Variants in PIEZO2 observed in about 807,000 individuals in gnomAD.
PIEZO2 encodes piezo-type mechanosensitive ion channel component 2.
PIEZO2 carries 172 observed loss-of-function variants against 337.3 expected under a neutral mutation model. The observed-to-expected ratio is 0.51, with a 90% CI of 0.45 to 0.58. The LOEUF (loss-of-function observed/expected upper bound fraction) is 0.58, where lower values mean the gene tolerates loss of function less well. Ranked by LOEUF, PIEZO2 falls within the 20% of genes least tolerant of loss-of-function variation. PIEZO2 has a pLI of 0.00. For missense variants in PIEZO2, 3,028 were observed against 3,391.3 expected, an observed-to-expected ratio of 0.89 and a Z score of 2.66; for synonymous variants, 1,251 against 1,228.5, an observed-to-expected ratio of 1.02 and a Z score of -0.38.
chr18:10,830,945 T>C lies in PIEZO2; in HGVS notation c.918-23671A>G, dbSNP rs1354743763. On this transcript the variant is annotated intron_variant, in intron 7 of 55. Transcript: ENST00000674853. The surrounding 1 kb of genome is among the most constrained non-coding windows in gnomAD (Gnocchi z 4.7). ...ATATGCAAAAGTGCTTAGCATAATT[T>C]ATCACCAGAGAAATGCGAATCAAAA... is the stretch of plus-strand genomic sequence containing the variant. 1.3e-5 allele frequency among the ~76,000 whole-genome samples: 2 copies of C among 152,188 alleles called. No homozygotes were observed. Among genetic ancestry groups the C allele is most frequent in the Non-Finnish European group, 2.9e-5 (2 of 68,026 alleles).
chr18:11,054,496 G>C (rs773777158), intron 2 of PIEZO2, among the ~76,000 whole-genome samples: 5 of 152,142 alleles, frequency 3.3e-5, no homozygotes, highest in Non-Finnish European at 5.9e-5. Context: ...TTTACTGAAC[G>C]AACGCCTGCT....
intron 2 of PIEZO2, among the ~76,000 whole-genome samples, chr18:11,061,084 T>C (rs953494934): frequency 1.3e-5 from 2 of 152,216 alleles, no homozygotes; most frequent in African/African-American, 2.4e-5. Flanking sequence ...ATCCCTGGGA[T>C]GCAAGGCTGG....
At chr18:11,088,863 G>A (rs2038987632) in intron 1 of PIEZO2, among the ~76,000 whole-genome samples, 1 of 152,214 alleles carries the variant, frequency 6.6e-6, no homozygotes, top group African/African-American at 2.4e-5. Flanking sequence ...ATGGTCTGGA[G>A]AAGCAAATGG....
At position 10,744,135 on chromosome 18, in the gene PIEZO2, T is replaced by C. The variant is rs1176695424; in HGVS notation, c.4514+7A>G. 5 of 1,522,920 alleles carry C rather than the reference T, an allele frequency of 3.3e-6. No individual in the cohort carries two copies. The highest frequency in any genetic ancestry group is 3.5e-6 in the Non-Finnish European group (4 of 1,134,040). The allele number at this position is 1,522,920 out of a possible 1,614,324, so 94.3% of individuals were successfully genotyped here. On this transcript the variant is annotated splice_region_variant and intron_variant, in intron 31 of 55. Transcript: ENST00000674853. ...GGAAGGAGGATGAGCATCAATAGCA[T>C]CCTTACTGTCGCTTCAGCTGGTCCA...
chr18:11,140,178 T>C (rs956302715), intron 1 of PIEZO2, among the ~76,000 whole-genome samples: 1 of 152,188 alleles, frequency 6.6e-6, no homozygotes, highest in South Asian at 2.1e-4. Flanking sequence ...CAAAAATTTT[T>C]TTCCCCATAC....
rs911051625 is a variant in PIEZO2, at chr18:10,675,324, T to C, written c.8082-36A>G. The C allele has an allele frequency of 6.0e-6, 8 of 1,332,048 alleles. No individual in the cohort carries two copies. In the Admixed American group the frequency reaches 8.0e-5, roughly 13 times the overall value. The allele number at this position is 1,332,048 out of a possible 1,614,324, so 82.5% of individuals were successfully genotyped here. ...AGAAAAAAAAGATACAATTACGTTTTAGTTGTTTTACCCACCTAAAATTGA... is the reference window on the plus strand; with the variant it reads ...AGAAAAAAAAGATACAATTACGTTTCAGTTGTTTTACCCACCTAAAATTGA... On this transcript the variant is annotated intron_variant, in intron 53 of 55. Coordinates refer to ENST00000674853, the MANE Select transcript of PIEZO2 (RefSeq NM_001378183.1).
rs2042855770 is a variant in PIEZO2, at chr18:10,895,004, T to C, written c.329+16182A>G. Reference sequence around the variant, plus strand: ...CCCTCTCTTTCCTGAGATGAGAGTCTGTAATGAAGAATTTGCCCGTGCTCT... The same window carrying C: ...CCCTCTCTTTCCTGAGATGAGAGTCCGTAATGAAGAATTTGCCCGTGCTCT... On this transcript the variant is annotated intron_variant, in intron 4 of 55. Coordinates refer to ENST00000674853, the MANE Select transcript of PIEZO2 (RefSeq NM_001378183.1). The surrounding 1 kb of genome is among the most constrained non-coding windows in gnomAD (Gnocchi z 4.8). Among the ~76,000 whole-genome samples the C allele has an allele frequency of 6.6e-6, 1 of 152,234 alleles. No homozygotes were observed. Among genetic ancestry groups the C allele is most frequent in the African/African-American group, 2.4e-5 (1 of 41,464 alleles).
chr18:10,684,286 C>T (rs1290339014), intron 49 of PIEZO2, among the ~76,000 whole-genome samples: 1 of 146,678 alleles, frequency 6.8e-6, no homozygotes, highest in Non-Finnish European at 1.5e-5. Context: ...CTGCCTCAGC[C>T]TCCCAAGTAG....
intron 36 of PIEZO2, among the ~76,000 whole-genome samples, 192 bp downstream of exon 36, chr18:10,731,215 A>ATATATATATATATC (rs1290190163): frequency 7.8e-5 from 10 of 128,742 alleles, no homozygotes; most frequent in African/African-American, 2.9e-4. Context: ...ATATATATAT[A>ATATATATATATATC]TATCTCCTAA....
At chr18:11,140,082 A>C (rs550697986) in intron 1 of PIEZO2, among the ~76,000 whole-genome samples, 1 of 152,196 alleles carries the variant, frequency 6.6e-6, no homozygotes, top group African/African-American at 2.4e-5. Context: ...AAGGACCCCC[A>C]GTCAGTGGCA....
chr18:11,068,215 C>T (rs550669803), intron 1 of PIEZO2, among the ~76,000 whole-genome samples: 34 of 152,278 alleles, frequency 2.2e-4, no homozygotes, highest in Admixed American at 1.2e-3. Flanking sequence ...CCACCGCACC[C>T]GGCAGAATAC....
chr18:11,107,821 G>C (rs1169195962), intron 1 of PIEZO2, among the ~76,000 whole-genome samples: 3 of 152,220 alleles, frequency 2.0e-5, no homozygotes, highest in Non-Finnish European at 2.9e-5. Context: ...GCAGCAAAGG[G>C]AAACACATCC....
Position 10,748,411 on chromosome 18 carries a change from G to A in PIEZO2, c.4424+60C>T, listed in dbSNP as rs1377190092. On this transcript the variant is annotated intron_variant, in intron 30 of 55. Transcript: ENST00000674853. This position sits in a 1 kb window ranked among gnomAD's most constrained non-coding sequence, Gnocchi z 5.1. ...AGCAAGCTCAGACAGAAATGATAGT[G>A]CAATATTATTTCAGGCAAGTTTCCT... The A allele has an allele frequency of 8.2e-6, 12 of 1,463,078 alleles. No individual in the cohort carries two copies. Among genetic ancestry groups the A allele is most frequent in the African/African-American group, 1.4e-5 (1 of 71,036 alleles). The allele number at this position is 1,463,078 out of a possible 1,614,324, so 90.6% of individuals were successfully genotyped here.
chr18:11,144,293 C>T (rs2040751564), intron 1 of PIEZO2, among the ~76,000 whole-genome samples: 2 of 152,172 alleles, frequency 1.3e-5, no homozygotes. Context: ...TTCCACTGTT[C>T]CTTTTTTCAT....
In PIEZO2 at chr18:10,818,373, T is replaced by C. The variant is rs58817161; in HGVS notation, c.918-11099A>G. 8.9e-3 allele frequency among the ~76,000 whole-genome samples: 1,352 copies of C among 152,310 alleles called. 14 individuals are homozygous for C. Among genetic ancestry groups the C allele is most frequent in the Admixed American group, 0.024 (361 of 15,302 alleles). On this transcript the variant is annotated intron_variant, in intron 7 of 55. Coordinates refer to ENST00000674853, the MANE Select transcript of PIEZO2 (RefSeq NM_001378183.1). Reference sequence around the variant, plus strand: ...CCCATTTCATGGCAGGTGAATGAAGTTGAACAAACTCTATGTATAGCCTTG... The same window carrying C: ...CCCATTTCATGGCAGGTGAATGAAGCTGAACAAACTCTATGTATAGCCTTG...
chr18:10,732,104 G>A (rs887742540), intron 35 of PIEZO2, among the ~76,000 whole-genome samples: 25 of 152,118 alleles, frequency 1.6e-4, no homozygotes, highest in African/African-American at 5.3e-4. Flanking sequence ...AAAACTGTGG[G>A]GCTTTTGGTT....
In PIEZO2 at chr18:11,096,047, G is replaced by C. The variant is rs1209608262; in HGVS notation, c.65-29825C>G. On this transcript the variant is annotated intron_variant, in intron 1 of 55. Coordinates refer to ENST00000674853, the MANE Select transcript of PIEZO2 (RefSeq NM_001378183.1). This position sits in a 1 kb window ranked among gnomAD's most constrained non-coding sequence, Gnocchi z 4.6. ...AAGGAGAGACTATGAGAGGGAGGCA[G>C]CTTTGCCTCCACTGCATGGAAAGGG... Among the ~76,000 whole-genome samples the C allele has an allele frequency of 2.0e-5, 3 of 152,242 alleles. No homozygotes were observed. The highest frequency in any genetic ancestry group is 7.2e-5 in the African/African-American group (3 of 41,464).
chr18:10,954,384 A>T lies in PIEZO2; in HGVS notation c.286+25151T>A, dbSNP rs923390723. On this transcript the variant is annotated intron_variant, in intron 3 of 55. Transcript: ENST00000674853. The surrounding 1 kb of genome is among the most constrained non-coding windows in gnomAD (Gnocchi z 4.2). ...AGCATATGGGTCTTGCATTGTTTTT[A>T]GATTTATATCAAAGTATTTTTTGTA... Among the ~76,000 whole-genome samples the T allele has an allele frequency of 3.3e-5, 5 of 152,202 alleles. No homozygotes were observed. The highest frequency in any genetic ancestry group is 5.9e-5 in the Non-Finnish European group (4 of 68,034).
rs1307884705 is a variant in PIEZO2, at chr18:10,830,360, C to T, written c.918-23086G>A. Among the ~76,000 whole-genome samples the T allele has an allele frequency of 1.3e-5, 2 of 152,162 alleles. No individual in the cohort carries two copies. The highest frequency in any genetic ancestry group is 1.9e-4 in the East Asian group (1 of 5,182). On this transcript the variant is annotated intron_variant, in intron 7 of 55. Coordinates refer to ENST00000674853, the MANE Select transcript of PIEZO2 (RefSeq NM_001378183.1). This position sits in a 1 kb window ranked among gnomAD's most constrained non-coding sequence, Gnocchi z 4.7. ...GCAAGAAAACATTGGGAAAAATCTC[C>T]AGGACATTGGTCTGGGCAAAGATTT...
Sources: allele counts gnomAD v4.1 joint callset (sites outside exome capture counted in the v4.1 genomes callset), GRCh38; gene constraint gnomAD v4.1.1; non-coding constraint Gnocchi (gnomAD v3.1); transcripts MANE v1.5; gene names NCBI Gene and HGNC (gene_info 2026-07-23, HGNC 2026-07-21).